The following MSH6 variants were observed in gnomAD, a reference collection of about 807,000 sequenced individuals.
MSH6 encodes the protein DNA mismatch repair protein Msh6.
Under a neutral mutation model 119.1 loss-of-function variants are expected in MSH6, and 85 were observed. That is an observed-to-expected ratio of 0.71 (90% confidence interval 0.60 to 0.85). The LOEUF is 0.85. Ranked by LOEUF, MSH6 falls within the 40% of genes least tolerant of loss-of-function variation. The pLI is 0.00. For synonymous variants in MSH6, 830 were observed against 586.9 expected (o/e 1.41, Z -5.99); for missense variants, 2,163 against 1,655.3 (o/e 1.31, Z -5.32).
At chr2:47,793,465 T>C (rs1237984919) in intron 2 of MSH6, among the ~76,000 whole-genome samples, 2 of 149,186 alleles carry the variant, frequency 1.3e-5, no homozygotes, top group Non-Finnish European at 3.0e-5. Flanking sequence ...CTGTCTCTAC[T>C]AAAAATACAA....
In MSH6 at chr2:47,801,146, G is replaced by A. The variant is rs587779254; in HGVS notation, c.3163G>A (p.Ala1055Thr). ...CTGGCAGTCTGCTGTAGAGTGTATC[G>A]CAGTGTTGGGTAAGACTTTGAACAA... ...KDWQSAVECI[A>T]VLDVLLCLAN... is the part of the protein sequence containing the mutation. Residue 1055 changes from alanine (A) to threonine (T), a missense_variant, in exon 4 of 10, where the codon GCA (alanine) becomes ACA (threonine). By Grantham distance (58) the Ala-to-Thr change is moderately conservative. Transcript: ENST00000234420. The A allele has an allele frequency of 1.1e-5, 18 of 1,610,080 alleles. No homozygotes were observed. The highest frequency in any genetic ancestry group is 1.6e-4 in the Middle Eastern group (1 of 6,084).
intron 1 of MSH6, chr2:47,783,756 A>G: frequency 2.9e-6 from 1 of 339,458 alleles, no homozygotes; most frequent in Non-Finnish European, 4.4e-6. Context: ...GGCCTTTTGG[A>G]GGGAGGAGAC....
At position 47,805,083 on chromosome 2, in the gene MSH6, G is replaced by C; in HGVS notation, c.3556+56G>C. On this transcript the variant is annotated intron_variant, in intron 6 of 9. Transcript: ENST00000234420. The stretch of plus-strand genomic sequence containing the variant: ...ATTCAGTCATTTAGATGTGATAAAA[G>C]ATATTTGCTTCTTGTATATGAGCCT... 1.5e-5 allele frequency: 18 copies of C among 1,185,574 alleles called. No individual in the cohort carries two copies. The South Asian group carries it at 2.2e-4, about 14-fold the overall frequency. 73.4% of individuals were successfully genotyped at this position (1,185,574 alleles called of 1,614,324 possible).
At position 47,800,271 on chromosome 2, in the gene MSH6, A is replaced by G. The variant is rs1060502913; in HGVS notation, c.2288A>G (p.Asp763Gly). The change falls in exon 4 of 10, where the codon GAT (aspartate) becomes GGT (glycine). Residue 763 changes from aspartate to glycine, a missense_variant. Transcript: ENST00000234420. ...GAAGGAACCCTACTAGAGAGGGTTG[A>G]TACTTGCCATACTCCTTTTGGTAAG... ...STEGTLLERV[D>G]TCHTPFGKRL... is the part of the protein sequence containing the mutation. 5 of 1,614,176 alleles carry G rather than the reference A, an allele frequency of 3.1e-6. No homozygotes were observed. Among genetic ancestry groups the G allele is most frequent in the Non-Finnish European group, 4.2e-6 (5 of 1,180,032 alleles).
Position 47,800,996 on chromosome 2 carries a change from C to T in MSH6, c.3013C>T (p.Arg1005Ter), listed in dbSNP as rs63750563. ...GAAATCTACCAAGAAGGGCTGTAAACGATACTGGACCAAAACTATTGAAAA... is the reference window on the plus strand; with the variant it reads ...GAAATCTACCAAGAAGGGCTGTAAATGATACTGGACCAAAACTATTGAAAA... ...ELKSTKKGCK[R>*]YWTKTIEKKL... The change falls in exon 4 of 10, where the codon CGA becomes TGA. Residue 1005 changes from arginine (R) to a stop codon, truncating the protein, a stop_gained. Transcript: ENST00000234420. LOFTEE classifies it high-confidence loss of function. 1.9e-6 allele frequency: 3 copies of T among 1,562,030 alleles called. No individual in the cohort carries two copies. The highest frequency in any genetic ancestry group is 2.6e-6 in the Non-Finnish European group (3 of 1,156,374).
At chr2:47,784,257 C>T in intron 1 of MSH6, 1 of 995,160 alleles carries the variant, frequency 1.0e-6, no homozygotes, top group Non-Finnish European at 1.2e-6. Flanking sequence ...GCTGCACGTG[C>T]ACCGAGACGA....
At chr2:47,789,233 A>G (rs138073253) in intron 1 of MSH6, 31 of 296,840 alleles carry the variant, frequency 1.0e-4, no homozygotes, top group Admixed American at 3.0e-4. Context: ...CCATACTGCT[A>G]TTTCTTAACA....
In MSH6 at chr2:47,806,743, CAAAA is replaced by C. The variant is rs1553333888; in HGVS notation, c.4002-32_4002-29del. 22 of 1,389,306 alleles carry C rather than the reference CAAAA, an allele frequency of 1.6e-5. No homozygotes were observed. Among genetic ancestry groups the C allele is most frequent in the East Asian group, 5.0e-5 (2 of 40,256 alleles). 86.1% of individuals were successfully genotyped at this position (1,389,306 alleles called of 1,614,324 possible). A position where few individuals can be genotyped will look rare whatever the true frequency, so the allele number is the denominator to read the frequency against. On this transcript the variant is annotated intron_variant, in intron 9 of 9. Coordinates refer to ENST00000234420, the MANE Select transcript of MSH6 (RefSeq NM_000179.3). ...GAAGGGATGATGCACTATGAAAAAA[CAAAA>C]AAACTTTTTTTTTTTTTTTTTTAAT...
intron 1 of MSH6, among the ~76,000 whole-genome samples, chr2:47,788,912 T>TTTTTTTTTGTTTTTTTTTTTTG (rs1558650145): frequency 1.6e-5 from 1 of 63,620 alleles, no homozygotes; most frequent in African/African-American, 5.8e-5. Context: ...TCTTCCTTTT[T>TTTTTTTTTGTTTTTTTTTTTTG]TTTTTTTTTG....
In MSH6 at chr2:47,800,517, A is replaced by T. The variant is rs1064794190; in HGVS notation, c.2534A>T (p.Tyr845Phe). 2 of 1,613,222 alleles carry T rather than the reference A, an allele frequency of 1.2e-6. No individual in the cohort carries two copies. The highest frequency in any genetic ancestry group is 1.7e-6 in the Non-Finnish European group (2 of 1,179,794). Residue 845 changes from tyrosine to phenylalanine, a missense_variant, in exon 4 of 10, where the codon TAT becomes TTT. By Grantham distance (22) the Tyr-to-Phe change is conservative (BLOSUM62 3). Coordinates refer to ENST00000234420, the MANE Select transcript of MSH6 (RefSeq NM_000179.3). ...CACCCAGACAGCAGGGCTATAATGTATGAAGAAACTACATACAGCAAGAAG... is the reference window on the plus strand; with the variant it reads ...CACCCAGACAGCAGGGCTATAATGTTTGAAGAAACTACATACAGCAAGAAG... ...QNHPDSRAIMYEETTYSKKKI... is the reference protein window; with the variant it reads ...QNHPDSRAIMFEETTYSKKKI...
At chr2:47,791,306 C>G (rs1170533583) in intron 2 of MSH6, among the ~76,000 whole-genome samples, 183 bp downstream of exon 2, 1 of 152,088 alleles carries the variant, frequency 6.6e-6, no homozygotes, top group East Asian at 1.9e-4. Flanking sequence ...TGGTCTTTAG[C>G]TGGTTTGTTT....
Position 47,783,291 on chromosome 2 carries a change from G to T in MSH6, c.58G>T (p.Ala20Ser). Residue 20 changes from alanine (A) to serine (S), a missense_variant, in exon 1 of 10, where the codon GCC becomes TCC. Physicochemically the swap from Ala to Ser is moderately conservative, Grantham distance 99 (BLOSUM62 1). Coordinates refer to ENST00000234420, the MANE Select transcript of MSH6 (RefSeq NM_000179.3). The part of the protein sequence containing the change: ...FFPKSPALSD[A>S]NKASARASRE... ...CCCCAAGTCTCCGGCGCTGAGTGAT[G>T]CCAACAAGGCCTCGGCCAGGGCCTC... is the stretch of plus-strand genomic sequence containing the variant. 6.2e-7 allele frequency: 1 copy of T among 1,612,156 alleles called. No individual in the cohort carries two copies. Among genetic ancestry groups the T allele is most frequent in the South Asian group, 1.1e-5 (1 of 91,002 alleles).
rs10699372 is a variant in MSH6 at position 47,795,422 on chromosome 2, ATGTGTGTGTGTG to A, written c.458-456_458-445del. On this transcript the variant is annotated intron_variant, in intron 2 of 9. Coordinates refer to ENST00000234420, the MANE Select transcript of MSH6 (RefSeq NM_000179.3). ...AAGTGTCCAGCCAACAAGTTATTTT[ATGTGTGTGTGTG>A]TGTGTGTGTGTGTGTATACATATAT... is the stretch of plus-strand genomic sequence containing the variant. Among the ~76,000 whole-genome samples the A allele has an allele frequency of 1.9e-4, 27 of 141,728 alleles. 1 individual carries two copies. Among genetic ancestry groups the A allele is most frequent in the Middle Eastern group, 7.4e-3 (2 of 270 alleles). 93.0% of individuals were successfully genotyped at this position (141,728 alleles called of 152,430 possible). A position where few individuals can be genotyped will look rare whatever the true frequency, so the allele number is the denominator to read the frequency against.
rs1309590896 is a variant in MSH6, at chr2:47,806,358, G to GGTAT, written c.3801+3_3801+6dup. 6.2e-7 allele frequency: 1 copy of GGTAT among 1,614,074 alleles called. No individual in the cohort carries two copies. Among genetic ancestry groups the GGTAT allele is most frequent in the South Asian group, 1.1e-5 (1 of 91,080 alleles). Reference sequence around the variant, plus strand: ...ATGTTGCTGTGCGCCTAGGACATATGGTATGTGCAAATTGTTTTTTTCCAC... The same window carrying GGTAT: ...ATGTTGCTGTGCGCCTAGGACATATGGTATGTATGTGCAAATTGTTTTTTTCCAC... On this transcript the variant is annotated frameshift_variant and splice_region_variant. Transcript: ENST00000234420. LOFTEE classifies it high-confidence loss of function.
Position 47,804,899 on chromosome 2 carries a change from C to T in MSH6, c.3439-11C>T, listed in dbSNP as rs1415948399. 6.2e-7 allele frequency: 1 copy of T among 1,605,178 alleles called. No individual in the cohort carries two copies. Among genetic ancestry groups the T allele is most frequent in the East Asian group, 2.2e-5 (1 of 44,844 alleles). On this transcript the variant is annotated splice_polypyrimidine_tract_variant and intron_variant, in intron 5 of 9. Coordinates refer to ENST00000234420, the MANE Select transcript of MSH6 (RefSeq NM_000179.3). Reference sequence around the variant, plus strand: ...CCAGTCATAAAAGACCTTTTCCTCCCTCATTCACAGGCTGGCTTATTAGCT... The same window carrying T: ...CCAGTCATAAAAGACCTTTTCCTCCTTCATTCACAGGCTGGCTTATTAGCT...
At position 47,795,205 on chromosome 2, in the gene MSH6, G is replaced by A. The variant is rs553009924; in HGVS notation, c.458-689G>A. ...CCCAGGTCATTAGAAGACAGACTAA[G>A]TAGTCCTGGGTGAACCCATAGGGCA... On this transcript the variant is annotated intron_variant, in intron 2 of 9. Coordinates refer to ENST00000234420, the MANE Select transcript of MSH6 (RefSeq NM_000179.3). Among the ~76,000 whole-genome samples the A allele has an allele frequency of 3.7e-4, 57 of 152,302 alleles. 2 individuals carry two copies. The South Asian group carries it at 0.012, about 31-fold the overall frequency.
At chr2:47,805,767 CTA>C (rs1366615852) in intron 7 of MSH6, 60 bp downstream of exon 7, 66 of 1,249,852 alleles carry the variant, frequency 5.3e-5, no homozygotes, top group Admixed American at 1.0e-4. Flanking sequence ...GTACAAATAA[CTA>C]TTTTTATAGA....
chr2:47,806,097 T>A, intron 7 of MSH6, 107 bp from the exon 8 acceptor site: 1 of 1,066,152 alleles, frequency 9.4e-7, no homozygotes, highest in South Asian at 1.3e-5. Flanking sequence ...CTTTTAGACG[T>A]GGATGTACTA....
downstream of MSH6, chr2:47,809,653 T>C (rs752266773): frequency 1.2e-6 from 2 of 1,613,654 alleles, no homozygotes; most frequent in Non-Finnish European, 1.7e-6. Flanking sequence ...AAACCGGTTG[T>C]TAAAAATCTG....
Sources: allele counts gnomAD v4.1 joint callset (sites outside exome capture counted in the v4.1 genomes callset), GRCh38; gene constraint gnomAD v4.1.1; transcripts MANE v1.5; gene names NCBI Gene and HGNC (gene_info 2026-07-23, HGNC 2026-07-21).